Variants in FRY observed in about 807,000 individuals in gnomAD.
The protein encoded by FRY is FRY microtubule binding protein, also known as protein furry homolog.
A neutral mutation model predicts 348.4 loss-of-function variants in FRY; 128 were observed. The ratio of observed to expected loss-of-function variants is 0.37; its 90% CI spans 0.32 to 0.43. FRY has a LOEUF of 0.43. Ranked by LOEUF, FRY falls within the 20% of genes least tolerant of loss-of-function variation. The probability of loss-of-function intolerance (pLI) is 1.00; values close to 1 mark genes in which losing one functional copy is unlikely to be tolerated. For synonymous variants in FRY, 1,370 were observed against 1,374.7 expected, an observed-to-expected ratio of 1.00 and a Z score of 0.08; for missense variants, 2,736 against 3,695.2, an observed-to-expected ratio of 0.74 and a Z score of 6.73.
At chr13:32,189,235 C>T (rs1030330370) in intron 28 of FRY, among the ~76,000 whole-genome samples, 8 of 152,030 alleles carry the variant, frequency 5.3e-5, no homozygotes, top group Admixed American at 2.0e-4. Context: ...ACTCTGATAG[C>T]GGCTCTTTTC....
At chr13:32,144,239 A>G (rs1880264500) in intron 11 of FRY, among the ~76,000 whole-genome samples, 1 of 151,394 alleles carries the variant, frequency 6.6e-6, no homozygotes, top group Non-Finnish European at 1.5e-5. Flanking sequence ...AAACTTCTAC[A>G]TAAATGTGTG....
Position 32,239,425 on chromosome 13 carries a change from G to A in FRY, c.6516+76G>A. The A allele has an allele frequency of 1.2e-6, 1 of 869,492 alleles. No homozygotes were observed. Among genetic ancestry groups the A allele is most frequent in the Middle Eastern group, 2.2e-4 (1 of 4,650 alleles). The allele number at this position is 869,492 out of a possible 1,614,324, so 53.9% of individuals were successfully genotyped here. A position where few individuals can be genotyped will look rare whatever the true frequency, so the allele number is the denominator to read the frequency against. On this transcript the variant is annotated intron_variant, in intron 45 of 60. Transcript: ENST00000542859. This position sits in a 1 kb window ranked among gnomAD's most constrained non-coding sequence, Gnocchi z 4.3. Reference sequence around the variant, plus strand: ...GCCCTAGTGTCAGGCAAATTACAAGGCCCAGAGATGGCAGTGATTTTCTCA... The same window carrying A: ...GCCCTAGTGTCAGGCAAATTACAAGACCCAGAGATGGCAGTGATTTTCTCA...
intron 40 of FRY, among the ~76,000 whole-genome samples, chr13:32,228,951 C>T (rs1424676784): frequency 6.6e-6 from 1 of 152,088 alleles, no homozygotes; most frequent in Non-Finnish European, 1.5e-5. Flanking sequence ...TGGTAGTGCC[C>T]CACAGTGAGC....
At chr13:32,053,496 A>G (rs1864953381) in intron 1 of FRY, among the ~76,000 whole-genome samples, 1 of 152,222 alleles carries the variant, frequency 6.6e-6, no homozygotes, top group South Asian at 2.1e-4. Flanking sequence ...ACCTGACTTC[A>G]TCGTCTTTGC....
chr13:32,249,704 C>T lies in FRY; in HGVS notation c.7170+17C>T, dbSNP rs1277400097. On this transcript the variant is annotated intron_variant, in intron 49 of 60. Transcript: ENST00000542859. Reference sequence around the variant, plus strand: ...TATTCTCAGGTATGCAATCCTAGACCCACAGTCCTGGGAGGGAGTTTAGGG... The same window carrying T: ...TATTCTCAGGTATGCAATCCTAGACTCACAGTCCTGGGAGGGAGTTTAGGG... 3.7e-6 allele frequency: 6 copies of T among 1,611,300 alleles called. No homozygotes were observed. The highest frequency in any genetic ancestry group is 3.3e-5 in the Admixed American group (2 of 59,976).
chr13:32,258,274 C>T (rs761885357), intron 51 of FRY, among the ~76,000 whole-genome samples: 3 of 152,198 alleles, frequency 2.0e-5, no homozygotes, highest in Non-Finnish European at 2.9e-5. Context: ...CATTTCTCAT[C>T]AAGTGGTTGC....
chr13:32,145,682 C>A (rs1293585639), intron 11 of FRY, among the ~76,000 whole-genome samples: 1 of 151,044 alleles, frequency 6.6e-6, no homozygotes, highest in Non-Finnish European at 1.5e-5. Flanking sequence ...GTAGCTGGGA[C>A]TACAGGCGCC....
intron 31 of FRY, 120 bp downstream of exon 31, chr13:32,202,647 T>A: frequency 1.0e-6 from 1 of 954,458 alleles, no homozygotes; most frequent in Non-Finnish European, 1.6e-6. Context: ...TTTTAAATTC[T>A]AGTTTAATTT....
chr13:32,212,491 A>G (rs1884743791), intron 35 of FRY, 109 bp downstream of exon 35: 1 of 730,144 alleles, frequency 1.4e-6, no homozygotes, highest in South Asian at 1.5e-5. Flanking sequence ...GTACATAAAA[A>G]TCCTTCTTTG....
intron 10 of FRY, among the ~76,000 whole-genome samples, chr13:32,136,557 G>C (rs1254100075): frequency 1.3e-5 from 2 of 152,204 alleles, no homozygotes; most frequent in Admixed American, 6.5e-5. Flanking sequence ...AAGATGGTAA[G>C]TTTGTTTTTA....
At position 32,276,454 on chromosome 13, in the gene FRY, C is replaced by T; in HGVS notation, c.8287-10C>T. On this transcript the variant is annotated splice_polypyrimidine_tract_variant and intron_variant, in intron 56 of 60. Transcript: ENST00000542859. Reference sequence around the variant, plus strand: ...TCTAGTTTTAATACCAATTATTTTCCTGTCTTTAGCTCCTTTCATGTGGAC... The same window carrying T: ...TCTAGTTTTAATACCAATTATTTTCTTGTCTTTAGCTCCTTTCATGTGGAC... 1 of 1,443,326 alleles carries T rather than the reference C, an allele frequency of 6.9e-7. No individual in the cohort carries two copies. The highest frequency in any genetic ancestry group is 9.8e-7 in the Non-Finnish European group (1 of 1,024,280). The allele number at this position is 1,443,326 out of a possible 1,614,324, so 89.4% of individuals were successfully genotyped here.
intron 1 of FRY, among the ~76,000 whole-genome samples, chr13:32,043,790 A>G (rs1872872567): frequency 6.6e-6 from 1 of 152,240 alleles, no homozygotes; most frequent in South Asian, 2.1e-4. Context: ...ACACTTCCTC[A>G]TGTTTTCTTC....
intron 2 of FRY, among the ~76,000 whole-genome samples, chr13:32,096,874 A>G (rs1876764776): frequency 6.6e-6 from 1 of 151,566 alleles, no homozygotes; most frequent in South Asian, 2.1e-4. Context: ...GCAACTTAGC[A>G]TGTTATTTTA....
intron 12 of FRY, 138 bp from the exon 13 acceptor site, chr13:32,147,701 G>C: frequency 1.4e-6 from 1 of 719,342 alleles, no homozygotes; most frequent in Non-Finnish European, 2.6e-6. Flanking sequence ...TATGCTAATG[G>C]AAAGAGGTGA....
intron 58 of FRY, among the ~76,000 whole-genome samples, chr13:32,280,143 T>C (rs9595246): frequency 0.041 from 6,185 of 152,226 alleles, 329 homozygotes; most frequent in African/African-American, 0.13. Context: ...CACCACAGCT[T>C]GACTTATCCA....
chr13:32,250,074 C>T (rs1886999939), intron 49 of FRY, among the ~76,000 whole-genome samples: 2 of 152,190 alleles, frequency 1.3e-5, no homozygotes, highest in African/African-American at 4.8e-5. Flanking sequence ...GTTGATAGGG[C>T]TGCACACCCA....
chr13:32,038,001 C>T (rs1872604740), intron 1 of FRY, among the ~76,000 whole-genome samples: 1 of 152,186 alleles, frequency 6.6e-6, no homozygotes, highest in Admixed American at 6.5e-5. Flanking sequence ...GTTACTGGTA[C>T]TAAACCTTAC....
chr13:32,152,375 A>G (rs1880850766), intron 14 of FRY, among the ~76,000 whole-genome samples: 1 of 152,228 alleles, frequency 6.6e-6, no homozygotes, highest in African/African-American at 2.4e-5. Context: ...AGGACTTACT[A>G]TAAAGTTGTA....
At chr13:32,229,732 A>G (rs1885808132) in intron 40 of FRY, among the ~76,000 whole-genome samples, 1 of 152,226 alleles carries the variant, frequency 6.6e-6, no homozygotes, top group South Asian at 2.1e-4. Context: ...GAGGCTGTGT[A>G]TTCAGTTTGA....
Sources: allele counts gnomAD v4.1 joint callset (sites outside exome capture counted in the v4.1 genomes callset), GRCh38; gene constraint gnomAD v4.1.1; non-coding constraint Gnocchi (gnomAD v3.1); transcripts MANE v1.5; gene names NCBI Gene and HGNC (gene_info 2026-07-23, HGNC 2026-07-21).